SNX25: variants seen among roughly 807,000 people sequenced by gnomAD.
SNX25 encodes the protein sorting nexin-25.
SNX25 carries 62 observed loss-of-function variants against 113.7 expected under a neutral mutation model. The observed-to-expected ratio is 0.55, with a 90% CI of 0.44 to 0.67. SNX25 has a LOEUF of 0.67. SNX25 is among the 30% of genes least tolerant of loss of function. The pLI is 0.00. For synonymous variants in SNX25, 421 were observed against 436.2 expected (o/e 0.97, Z 0.43); for missense variants, 1,014 against 1,161.0 (o/e 0.87, Z 1.84).
chr4:185,329,546 A>G (rs1005487432), intron 9 of SNX25, among the ~76,000 whole-genome samples: 1 of 152,142 alleles, frequency 6.6e-6, no homozygotes, highest in African/African-American at 2.4e-5. Context: ...AGCAGACCTG[A>G]CTTTCGTGGG....
At chr4:185,369,970 G>T in exon 12 of SNX25, 1 of 247,206 alleles carries the variant, frequency 4.0e-6, no homozygotes, top group East Asian at 1.2e-4. Flanking sequence ...TACCAAGTCT[G>T]CTATGATGTA....
chr4:185,311,966 A>G (rs913732502), intron 7 of SNX25, among the ~76,000 whole-genome samples: 2 of 152,248 alleles, frequency 1.3e-5, no homozygotes, highest in African/African-American at 4.8e-5. Flanking sequence ...AAAATAAAAT[A>G]AAATAAAATT....
chr4:185,269,045 G>T (rs1002138379), intron 5 of SNX25, among the ~76,000 whole-genome samples: 1 of 151,980 alleles, frequency 6.6e-6, no homozygotes, highest in Non-Finnish European at 1.5e-5. Flanking sequence ...TTTTATTTCT[G>T]TCTGAGTCTA....
intron 5 of SNX25, among the ~76,000 whole-genome samples, chr4:185,271,087 G>A (rs112409732): frequency 4.6e-5 from 7 of 152,104 alleles, no homozygotes; most frequent in Admixed American, 6.6e-5. Flanking sequence ...CGTACCCACC[G>A]CTGCCAAGGA....
chr4:185,267,302 C>T, intron 5 of SNX25, 147 bp downstream of exon 5: 1 of 749,832 alleles, frequency 1.3e-6, no homozygotes, highest in East Asian at 2.7e-5. Context: ...CTAAATTTAT[C>T]CAGCGTCTCC....
At chr4:185,336,140 A>G (rs767215114) in intron 10 of SNX25, among the ~76,000 whole-genome samples, 7 of 152,244 alleles carry the variant, frequency 4.6e-5, no homozygotes, top group Non-Finnish European at 1.0e-4. Context: ...AAGTATATAT[A>G]ACAACATTTA....
intron 9 of SNX25, 108 bp downstream of exon 9, chr4:185,323,908 A>T (rs965131926): frequency 6.5e-5 from 74 of 1,145,096 alleles, no homozygotes; most frequent in Non-Finnish European, 9.2e-5. Flanking sequence ...TCATCTTTTA[A>T]TATACAGGAC....
In SNX25 at chr4:185,259,029, C is replaced by T; in HGVS notation, c.696C>T (p.Leu232=). ...GCAATGATGTTGTGAGGACTTTACT[C>T]ACTCATTTCTGTGACCTGAAAGCTG... is the stretch of plus-strand genomic sequence containing the variant. ...VVCNDVVRTL[L]THFCDLKAAN... is the part of the protein sequence containing the mutation. Residue 232 remains leucine, a synonymous_variant, in exon 3 of 19, where the codon CTC becomes CTT. Transcript: ENST00000652585. 6.2e-7 allele frequency: 1 copy of T among 1,614,132 alleles called. No homozygotes were observed. The highest frequency in any genetic ancestry group is 8.5e-7 in the Non-Finnish European group (1 of 1,179,980).
chr4:185,323,936 T>A, intron 9 of SNX25, 136 bp downstream of exon 9: 1 of 874,900 alleles, frequency 1.1e-6, no homozygotes. Context: ...AGAATAAAAG[T>A]AGCATCGTTT....
At chr4:185,231,535 C>A (rs2126410070) in intron 1 of SNX25, among the ~76,000 whole-genome samples, 1 of 151,886 alleles carries the variant, frequency 6.6e-6, no homozygotes, top group South Asian at 2.1e-4. Context: ...CACTGCGAAA[C>A]CCCGTCTCTA....
At chr4:185,309,174 C>G (rs996711866) in intron 6 of SNX25, among the ~76,000 whole-genome samples, 3 of 152,094 alleles carry the variant, frequency 2.0e-5, no homozygotes, top group African/African-American at 7.2e-5. Context: ...TTCGGGGAGC[C>G]TCGGTTCCTC....
chr4:185,365,887 A>C (rs988504225), downstream of SNX25: 5 of 152,168 alleles, frequency 3.3e-5, no homozygotes, highest in African/African-American at 1.2e-4. Flanking sequence ...CCTTACACAA[A>C]GACAAAATGA....
intron 12 of SNX25, among the ~76,000 whole-genome samples, chr4:185,342,334 C>T (rs2126725907): frequency 6.6e-6 from 1 of 152,290 alleles, no homozygotes; most frequent in African/African-American, 2.4e-5. Flanking sequence ...TGTAAATTGC[C>T]AGAGAACCCT....
At chr4:185,361,882 A>G (rs756759129) in intron 16 of SNX25, 42 bp from the exon 17 acceptor site, 17 of 1,604,124 alleles carry the variant, frequency 1.1e-5, no homozygotes, top group Admixed American at 3.4e-5. Context: ...AGAGTACACA[A>G]TTTTTAAAAA....
intron 2 of SNX25, among the ~76,000 whole-genome samples, chr4:185,255,473 C>T (rs1490159060): frequency 6.6e-6 from 1 of 152,124 alleles, no homozygotes; most frequent in African/African-American, 2.4e-5. Context: ...TTTTTTGATA[C>T]TTAGCTTGAA....
rs758483986 is a variant in SNX25, at chr4:185,342,613, A to G, written c.2187+497A>G. Among the ~76,000 whole-genome samples, 249 of 142,380 alleles carry G rather than the reference A, an allele frequency of 1.7e-3. 1 individual carries two copies. Among genetic ancestry groups the G allele is most frequent in the African/African-American group, 6.5e-3 (237 of 36,654 alleles). 93.4% of individuals were successfully genotyped at this position (142,380 alleles called of 152,430 possible). ...TAAGGCGCGGTGCTTGGAGGATTCT[A>G]TCACATATACAAGGGAGGCATTAAG... On this transcript the variant is annotated intron_variant, in intron 12 of 18. Transcript: ENST00000652585.
intron 8 of SNX25, 99 bp downstream of exon 8, chr4:185,320,963 A>G (rs569732055): frequency 9.4e-7 from 1 of 1,068,704 alleles, no homozygotes. Flanking sequence ...TATACATTAA[A>G]AATATTTTAA....
intron 1 of SNX25, among the ~76,000 whole-genome samples, chr4:185,241,376 G>C (rs1390009878): frequency 2.6e-5 from 4 of 150,976 alleles, no homozygotes; most frequent in African/African-American, 9.7e-5. Context: ...CACTCGGCAG[G>C]CTGAGGCAGG....
intron 5 of SNX25, among the ~76,000 whole-genome samples, chr4:185,281,815 A>C (rs535504795): frequency 1.1e-3 from 166 of 152,284 alleles, no homozygotes; most frequent in African/African-American, 4.0e-3. Flanking sequence ...CAGGAGTTCA[A>C]GACCAGCCTG....
Sources: allele counts gnomAD v4.1 joint callset (sites outside exome capture counted in the v4.1 genomes callset), GRCh38; gene constraint gnomAD v4.1.1; transcripts MANE v1.5; gene names NCBI Gene and HGNC (gene_info 2026-07-23, HGNC 2026-07-21).